Variants in LCORL observed in about 807,000 individuals in gnomAD.
LCORL encodes ligand dependent nuclear receptor corepressor like, also known as ligand-dependent nuclear receptor corepressor-like protein.
In LCORL, 41 loss-of-function variants were observed where a neutral mutation model predicts 141.8. The ratio of observed to expected loss-of-function variants is 0.29; its 90% CI spans 0.23 to 0.38. The LOEUF (loss-of-function observed/expected upper bound fraction) is 0.38. Ranked by LOEUF, LCORL falls within the 10% of genes least tolerant of loss-of-function variation. The pLI, the probability that LCORL is intolerant of heterozygous loss-of-function variation, is 1.00. For synonymous variants in LCORL, 618 were observed against 694.1 expected (o/e 0.89, Z 1.72); for missense variants, 1,759 against 2,035.0 (o/e 0.86, Z 2.61).
intron 1 of LCORL, among the ~76,000 whole-genome samples, chr4:17,987,207 G>A (rs1029033359): frequency 6.6e-6 from 1 of 152,056 alleles, no homozygotes; most frequent in Non-Finnish European, 1.5e-5. Flanking sequence ...TGTATTTCTT[G>A]TCCATTCATA....
rs191391177 is a variant in LCORL, at chr4:17,843,071, G to C, written c.*2817C>G. On this transcript the variant is annotated 3_prime_UTR_variant, in exon 8 of 8. Coordinates refer to ENST00000635767, the Ensembl canonical transcript of LCORL. ...GGCTTTTTTTCCTGTATAACACCAGGTTCTGTTATAGTATATAAAATCATT... is the reference window on the plus strand; with the variant it reads ...GGCTTTTTTTCCTGTATAACACCAGCTTCTGTTATAGTATATAAAATCATT... 6.2e-5 allele frequency: 20 copies of C among 324,828 alleles called. No homozygotes were observed. In the East Asian group the frequency reaches 8.4e-4, roughly 14 times the overall value. The allele number at this position is 324,828 out of a possible 1,614,324, so 20.1% of individuals were successfully genotyped here.
chr4:17,949,642 C>T (rs1739412723), intron 4 of LCORL, among the ~76,000 whole-genome samples: 1 of 152,122 alleles, frequency 6.6e-6, no homozygotes, highest in African/African-American at 2.4e-5. Context: ...GTATTGGAAA[C>T]AATACACTTT....
chr4:18,012,666 CTT>C (rs1454671444), intron 1 of LCORL, among the ~76,000 whole-genome samples: 1 of 151,510 alleles, frequency 6.6e-6, no homozygotes, highest in African/African-American at 2.4e-5. Context: ...GATTAGGAAA[CTT>C]TTTTGAAGGG....
intron 1 of LCORL, among the ~76,000 whole-genome samples, chr4:18,000,152 G>C (rs1011810913): frequency 5.6e-4 from 71 of 126,926 alleles, no homozygotes; most frequent in Non-Finnish European, 1.8e-4. Flanking sequence ...TGCACTGAAA[G>C]AGTGAATGTA....
At chr4:17,892,212 T>C (rs957568234) in intron 5 of LCORL, among the ~76,000 whole-genome samples, 2 of 148,006 alleles carry the variant, frequency 1.4e-5, no homozygotes, top group East Asian at 3.9e-4. Context: ...TTTTTTTCTT[T>C]TTTTTTTTTT....
rs182153780 is a variant in LCORL, at chr4:17,929,900, C to A, written c.431-20555G>T. 3.8e-3 allele frequency among the ~76,000 whole-genome samples: 577 copies of A among 152,196 alleles called. 7 individuals carry two copies. Among genetic ancestry groups the A allele is most frequent in the African/African-American group, 0.013 (554 of 41,540 alleles). ...ATCCACCATACATGAAGAACTCCTA[C>A]AATTCAATAATAAAGACATGCCAAA... On this transcript the variant is annotated intron_variant, in intron 4 of 7. Coordinates refer to ENST00000635767, the Ensembl canonical transcript of LCORL.
At chr4:17,926,981 C>T (rs149544469) in intron 4 of LCORL, among the ~76,000 whole-genome samples, 89 of 152,314 alleles carry the variant, frequency 5.8e-4, no homozygotes, top group African/African-American at 1.8e-3. Flanking sequence ...ATTGACTTTG[C>T]TCTAGCTATG....
At chr4:17,938,621 G>GGCC (rs1737299819) in intron 4 of LCORL, among the ~76,000 whole-genome samples, 1 of 149,834 alleles carries the variant, frequency 6.7e-6, no homozygotes, top group African/African-American at 2.5e-5. Flanking sequence ...TCTCCATGTT[G>GGCC]AGGCTGGCCT....
chr4:17,959,595 A>G (rs1713379885), intron 4 of LCORL, among the ~76,000 whole-genome samples: 1 of 152,088 alleles, frequency 6.6e-6, no homozygotes, highest in South Asian at 2.1e-4. Context: ...CAATAGTAAT[A>G]GCTTATATTT....
intron 2 of LCORL, among the ~76,000 whole-genome samples, chr4:17,968,640 C>T (rs2724486): frequency 0.71 from 108,001 of 152,034 alleles, 38,649 homozygotes; most frequent in South Asian, 0.85. Flanking sequence ...GTAAATATTT[C>T]AGGTTTTGCA....
intron 4 of LCORL, among the ~76,000 whole-genome samples, chr4:17,926,123 A>T (rs1180640168): frequency 1.3e-5 from 2 of 152,090 alleles, no homozygotes; most frequent in East Asian, 3.9e-4. Flanking sequence ...TTTGAATATT[A>T]TGTGTGATTT....
At chr4:17,931,171 T>C (rs1340384186) in intron 4 of LCORL, among the ~76,000 whole-genome samples, 1 of 152,034 alleles carries the variant, frequency 6.6e-6, no homozygotes, top group Non-Finnish European at 1.5e-5. Context: ...ATGTCTTGCA[T>C]TTTAATACTT....
chr4:17,888,604 C>G (rs887748518), intron 5 of LCORL, among the ~76,000 whole-genome samples: 5 of 152,164 alleles, frequency 3.3e-5, no homozygotes, highest in Admixed American at 1.3e-4. Flanking sequence ...GCGTGGACAG[C>G]ATCCTATAAT....
chr4:17,935,440 T>C (rs1189851031), intron 4 of LCORL, among the ~76,000 whole-genome samples: 1 of 152,308 alleles, frequency 6.6e-6, no homozygotes, highest in East Asian at 1.9e-4. Flanking sequence ...ACCTTCAATG[T>C]TGGAGATGGG....
chr4:18,020,573 G>GA (rs879880011), intron 1 of LCORL: 160 of 126,298 alleles, frequency 1.3e-3, no homozygotes, highest in Admixed American at 3.1e-3. Flanking sequence ...GGCAAAAAAA[G>GA]AAAAAAAAAA....
At chr4:17,964,863 G>GCC (rs11419092) in intron 2 of LCORL, among the ~76,000 whole-genome samples, 50 of 149,476 alleles carry the variant, frequency 3.3e-4, no homozygotes, top group African/African-American at 1.2e-3. Flanking sequence ...AAATCTTACT[G>GCC]CCCTTTTTTT....
chr4:17,990,483 A>C (rs1239490539), intron 1 of LCORL, among the ~76,000 whole-genome samples: 1 of 151,044 alleles, frequency 6.6e-6, no homozygotes, highest in South Asian at 2.1e-4. Flanking sequence ...ACTGTGCCTT[A>C]TAACAAACTA....
chr4:17,944,931 T>G (rs1738609670), intron 4 of LCORL, among the ~76,000 whole-genome samples: 1 of 152,178 alleles, frequency 6.6e-6, no homozygotes, highest in Admixed American at 6.5e-5. Context: ...AGGCTGTGGA[T>G]ATAATATACA....
At chr4:17,877,947 C>T in exon 7 of LCORL, 8 of 1,230,642 alleles carry the variant, frequency 6.5e-6, no homozygotes, top group Non-Finnish European at 8.1e-6. Context: ...GTTTTGTAAA[C>T]AACCTCTTTC....
Sources: allele counts gnomAD v4.1 joint callset (sites outside exome capture counted in the v4.1 genomes callset), GRCh38; gene constraint gnomAD v4.1.1; transcripts MANE v1.5; gene names NCBI Gene and HGNC (gene_info 2026-07-23, HGNC 2026-07-21).